Variants in RAD54L observed in about 807,000 individuals in gnomAD.
The protein encoded by RAD54L is RAD54 like.
Under a neutral mutation model 91.6 loss-of-function variants are expected in RAD54L, and 74 were observed. The observed-to-expected ratio is 0.81, with a 90% confidence interval of 0.67 to 0.98. The LOEUF is 0.98. Ranked by LOEUF, RAD54L falls within the 50% of genes least tolerant of loss-of-function variation. The probability of loss-of-function intolerance (pLI) is 0.00; values close to 1 mark genes in which losing one functional copy is unlikely to be tolerated. For synonymous variants in RAD54L, 304 were observed against 349.7 expected (o/e 0.87, Z 1.46); for missense variants, 887 against 945.7 (o/e 0.94, Z 0.81).
At chr1:46,259,918 G>A (rs1399919041) in intron 4 of RAD54L, 46 bp from the exon 5 acceptor site, 1 of 1,613,566 alleles carries the variant, frequency 6.2e-7, no homozygotes, top group African/African-American at 1.3e-5. Flanking sequence ...GCTTGCTGGA[G>A]CTCCTAAACA....
At chr1:46,254,969 A>C (rs757709037) in intron 3 of RAD54L, among the ~76,000 whole-genome samples, 2 of 152,226 alleles carry the variant, frequency 1.3e-5, no homozygotes, top group Non-Finnish European at 2.9e-5. Flanking sequence ...ATGAGATCCC[A>C]GAAAGGTGGA....
chr1:46,264,028 C>T (rs1045790468), intron 8 of RAD54L, among the ~76,000 whole-genome samples: 1 of 152,094 alleles, frequency 6.6e-6, no homozygotes, highest in African/African-American at 2.4e-5. Context: ...AACTCCTGGC[C>T]CCAAATAATC....
rs568771965 is a variant in RAD54L at position 46,258,867 on chromosome 1, G to T, written c.271+121G>T. On this transcript the variant is annotated intron_variant, in intron 4 of 17. Coordinates refer to ENST00000371975, the MANE Select transcript of RAD54L (RefSeq NM_003579.4). ...AATTGAAGGTGCCAGTCCAGCGGTG[G>T]CTGTGTTTGGGGTGACCCTCCTGAG... 9 of 838,610 alleles carry T rather than the reference G, an allele frequency of 1.1e-5. No individual in the cohort carries two copies. In the African/African-American group the frequency reaches 1.3e-4, roughly 13 times the overall value. 51.9% of individuals were successfully genotyped at this position (838,610 alleles called of 1,614,324 possible).
chr1:46,278,438 T>C lies in RAD54L; in HGVS notation c.*156T>C. The C allele has an allele frequency of 2.2e-6, 2 of 929,578 alleles. No individual in the cohort carries two copies. The highest frequency in any genetic ancestry group is 3.3e-6 in the Non-Finnish European group (2 of 606,650). The allele number at this position is 929,578 out of a possible 1,614,324, so 57.6% of individuals were successfully genotyped here. On this transcript the variant is annotated 3_prime_UTR_variant, in exon 18 of 18. Coordinates refer to ENST00000371975, the MANE Select transcript of RAD54L (RefSeq NM_003579.4). ...AAATTTATTTTATAAGAAAAACTTT[T>C]TTGGTTAAAAAAAAGAATAAAGGTA...
At chr1:46,256,619 A>G (rs1417689934) in intron 3 of RAD54L, among the ~76,000 whole-genome samples, 4 of 150,180 alleles carry the variant, frequency 2.7e-5, no homozygotes, top group Admixed American at 1.3e-4. Flanking sequence ...GGGCGACAAA[A>G]TGAGACCCTG....
intron 8 of RAD54L, among the ~76,000 whole-genome samples, chr1:46,266,356 A>G (rs1660266387): frequency 6.6e-6 from 1 of 152,250 alleles, no homozygotes; most frequent in Admixed American, 6.5e-5. Context: ...TTGCGTTGTC[A>G]AAGCCTGACC....
At position 46,248,315 on chromosome 1, in the gene RAD54L, C is replaced by G; in HGVS notation, c.-91C>G. The G allele has an allele frequency of 6.6e-7, 1 of 1,506,128 alleles. No individual in the cohort carries two copies. Among genetic ancestry groups the G allele is most frequent in the Non-Finnish European group, 9.2e-7 (1 of 1,089,330 alleles). The allele number at this position is 1,506,128 out of a possible 1,614,324, so 93.3% of individuals were successfully genotyped here. A position where few individuals can be genotyped will look rare whatever the true frequency, so the allele number is the denominator to read the frequency against. On this transcript the variant is annotated 5_prime_UTR_variant, in exon 1 of 18. Coordinates refer to ENST00000371975, the MANE Select transcript of RAD54L (RefSeq NM_003579.4). ...CTCAATAATGTAGCAGCCCCCTCTA[C>G]AGATTAGACCCTGGTCCTACACTCT... is the stretch of plus-strand genomic sequence containing the variant.
At chr1:46,260,673 C>T in intron 6 of RAD54L, 54 bp from the exon 7 acceptor site, 1 of 1,613,934 alleles carries the variant, frequency 6.2e-7, no homozygotes, top group African/African-American at 1.3e-5. Flanking sequence ...ACTACCATCC[C>T]TGGGACAGCA....
rs1227472198 is a variant in RAD54L at position 46,258,752 on chromosome 1, A to G, written c.271+6A>G. 1 of 1,587,362 alleles carries G rather than the reference A, an allele frequency of 6.3e-7. No homozygotes were observed. The highest frequency in any genetic ancestry group is 8.7e-7 in the Non-Finnish European group (1 of 1,155,598). ...CCCCATTCCAAATTATCAAGGTAAA[A>G]TGGAGGTTTTTCTGTTTTTGAAATC... On this transcript the variant is annotated splice_donor_region_variant and intron_variant, in intron 4 of 17. Coordinates refer to ENST00000371975, the MANE Select transcript of RAD54L (RefSeq NM_003579.4).
At chr1:46,255,143 A>G (rs1267088667) in intron 3 of RAD54L, among the ~76,000 whole-genome samples, 1 of 152,222 alleles carries the variant, frequency 6.6e-6, no homozygotes, top group Admixed American at 6.5e-5. Flanking sequence ...AAGGGGAGCT[A>G]TATAACTTAC....
rs186201878 is a variant in RAD54L at position 46,256,311 on chromosome 1, T to G, written c.211-2375T>G. The stretch of plus-strand genomic sequence containing the variant: ...CTAGGGTGGTCTCAAAATCCTGGGC[T>G]TAAGCGGTCCTCCCACCTCAGCCTC... On this transcript the variant is annotated intron_variant, in intron 3 of 17. Coordinates refer to ENST00000371975, the MANE Select transcript of RAD54L (RefSeq NM_003579.4). 3.2e-3 allele frequency among the ~76,000 whole-genome samples: 489 copies of G among 152,282 alleles called. 1 individual carries two copies. Among genetic ancestry groups the G allele is most frequent in the African/African-American group, 0.011 (459 of 41,554 alleles).
chr1:46,264,993 G>T (rs540618404), intron 8 of RAD54L, among the ~76,000 whole-genome samples: 1 of 152,110 alleles, frequency 6.6e-6, no homozygotes, highest in African/African-American at 2.4e-5. Context: ...CCTTTTATGT[G>T]TCAAGCCCTG....
chr1:46,250,269 G>A (rs766982647), intron 3 of RAD54L, 150 bp downstream of exon 3: 12 of 1,109,198 alleles, frequency 1.1e-5, no homozygotes, highest in Non-Finnish European at 1.6e-5. Flanking sequence ...CAGCTGCTGG[G>A]GCCTGCTTAG....
chr1:46,268,128 T>C (rs1660317940), intron 9 of RAD54L, among the ~76,000 whole-genome samples: 1 of 152,070 alleles, frequency 6.6e-6, no homozygotes, highest in Non-Finnish European at 1.5e-5. Flanking sequence ...CCCAGTGCTT[T>C]GAGAGGCTGG....
In RAD54L at chr1:46,274,717, T is replaced by C. The variant is rs748015095; in HGVS notation, c.1869T>C (p.Ser623=). Residue 623 remains serine, a splice_region_variant and synonymous_variant, in exon 16 of 18, where the codon TCT becomes TCC. Coordinates refer to ENST00000371975, the MANE Select transcript of RAD54L (RefSeq NM_003579.4). ...CTTGCTATATCTACCGCCTGCTGTC[T>C]GTAAGGATGGTGATAGTAGTCATAG... ...KKTCYIYRLL[S]AGTIEEKIFQ... 3.7e-6 allele frequency: 6 copies of C among 1,614,010 alleles called. No individual in the cohort carries two copies. The Middle Eastern group carries it at 5.0e-4, about 133-fold the overall frequency.
intron 16 of RAD54L, 112 bp from the exon 17 acceptor site, chr1:46,277,705 C>G: frequency 1.6e-6 from 2 of 1,232,358 alleles, no homozygotes; most frequent in East Asian, 2.3e-5. Context: ...ACTTTTTATT[C>G]ATCTCCTCTT....
chr1:46,274,524 T>C lies in RAD54L; in HGVS notation c.1690-14T>C. 1.2e-6 allele frequency: 2 copies of C among 1,612,338 alleles called. No individual in the cohort carries two copies. The highest frequency in any genetic ancestry group is 1.7e-6 in the Non-Finnish European group (2 of 1,179,914). ...TATAAGAGGTTCCTTTTCTCCTGTT[T>C]CTTCTCTTTCCAGAGCCCTGACTTT... On this transcript the variant is annotated splice_polypyrimidine_tract_variant and intron_variant, in intron 15 of 17. Coordinates refer to ENST00000371975, the MANE Select transcript of RAD54L (RefSeq NM_003579.4).
At position 46,267,016 on chromosome 1, in the gene RAD54L, C is replaced by G. The variant is rs893396777; in HGVS notation, c.892-443C>G. Among the ~76,000 whole-genome samples, 4 of 152,202 alleles carry G rather than the reference C, an allele frequency of 2.6e-5. No homozygotes were observed. In the South Asian group the frequency reaches 8.3e-4, roughly 32 times the overall value. On this transcript the variant is annotated intron_variant, in intron 8 of 17. Coordinates refer to ENST00000371975, the MANE Select transcript of RAD54L (RefSeq NM_003579.4). ...TGCCTAGTTCCCAAGGCCCTAGAAC[C>G]TGTAATGTTTTTGTTTTTTGTTGAG...
intron 9 of RAD54L, among the ~76,000 whole-genome samples, chr1:46,269,533 C>G (rs28743170): frequency 1.4e-3 from 209 of 152,132 alleles, no homozygotes; most frequent in Non-Finnish European, 2.3e-3. Context: ...GTCTTGAACT[C>G]TTGAGCTCAA....
Sources: gnomAD v4.1 joint callset for allele counts (sites outside exome capture counted in the v4.1 genomes callset) on GRCh38, gnomAD v4.1.1 for gene constraint, MANE v1.5 for transcripts, NCBI Gene and HGNC (gene_info 2026-07-23, HGNC 2026-07-21) for gene names.